Variants in AP2B1 observed in about 807,000 individuals in gnomAD.
The protein encoded by AP2B1 is AP-2 complex subunit beta.
A neutral mutation model predicts 102.0 loss-of-function variants in AP2B1; 23 were observed. The observed-to-expected ratio is 0.23, with a 90% CI of 0.16 to 0.32. AP2B1 has a LOEUF of 0.32. Among genes scored for constraint, AP2B1 ranks in the 10% least tolerant of loss-of-function variants. AP2B1 has a pLI of 1.00. For missense variants in AP2B1, 541 were observed against 1,157.4 expected (o/e 0.47, Z 7.73); for synonymous variants, 381 against 421.2 (o/e 0.90, Z 1.17).
At chr17:35,685,705 A>T (rs2075916037) in intron 18 of AP2B1, among the ~76,000 whole-genome samples, 1 of 152,178 alleles carries the variant, frequency 6.6e-6, no homozygotes, top group Non-Finnish European at 1.5e-5. Context: ...TCATTAAACT[A>T]CTTATTGGCT....
intron 18 of AP2B1, among the ~76,000 whole-genome samples, chr17:35,687,734 A>G (rs751424691): frequency 2.6e-5 from 4 of 151,872 alleles, no homozygotes; most frequent in Admixed American, 6.6e-5. Flanking sequence ...ATTTTTATGT[A>G]GAGATGGGGT....
chr17:35,704,980 G>T (rs887175856), intron 18 of AP2B1, among the ~76,000 whole-genome samples: 1 of 152,160 alleles, frequency 6.6e-6, no homozygotes, highest in Non-Finnish European at 1.5e-5. Flanking sequence ...GCAGTGAGCC[G>T]AGATCGCGCC....
rs1447672626 is a variant in AP2B1, at chr17:35,641,053, A to G, written c.1438-824A>G. Among the ~76,000 whole-genome samples the G allele has an allele frequency of 2.6e-5, 4 of 152,188 alleles. No homozygotes were observed. In the East Asian group the frequency reaches 5.8e-4, roughly 22 times the overall value. On this transcript the variant is annotated intron_variant, in intron 11 of 21. Transcript: ENST00000610402. ...ATAATGTATGTAATCTACTATAGCA[A>G]TTTTAATAGACCTAATTCAAGGAGT...
intron 19 of AP2B1, 37 bp from the exon 20 acceptor site, chr17:35,710,197 A>G (rs1555586808): frequency 7.0e-7 from 1 of 1,427,642 alleles, no homozygotes; most frequent in Non-Finnish European, 9.9e-7. Context: ...CTGACAGCTT[A>G]TGCACATCCA....
intron 21 of AP2B1, among the ~76,000 whole-genome samples, chr17:35,720,571 ATATTTTT>A (rs1452832380): frequency 4.3e-4 from 19 of 44,182 alleles, no homozygotes; most frequent in African/African-American, 1.5e-3. Context: ...ATATATATAT[ATATTTTT>A]TTTTTTTTTT....
intron 12 of AP2B1, among the ~76,000 whole-genome samples, chr17:35,642,279 C>G (rs2074803669): frequency 7.0e-6 from 1 of 143,682 alleles, no homozygotes; most frequent in Non-Finnish European, 1.5e-5. Context: ...ACCTGCTTCA[C>G]TGTGACTTCA....
chr17:35,658,938 TC>T lies in AP2B1; in HGVS notation c.1989+1148del, dbSNP rs1442845310. On this transcript the variant is annotated intron_variant, in intron 14 of 21. Transcript: ENST00000610402. ...ATTTTACTAATGGAAAATCACTGCTTCTAGAATTTATACATTGACCAAGCTG... is the reference window on the plus strand; with the variant it reads ...ATTTTACTAATGGAAAATCACTGCTTTAGAATTTATACATTGACCAAGCTG... 1.4e-4 allele frequency among the ~76,000 whole-genome samples: 22 copies of T among 152,358 alleles called. No individual in the cohort carries two copies. The South Asian group carries it at 1.7e-3, about 11-fold the overall frequency.
intron 21 of AP2B1, among the ~76,000 whole-genome samples, chr17:35,717,793 T>C (rs1378860031): frequency 6.6e-6 from 1 of 152,174 alleles, no homozygotes; most frequent in Admixed American, 6.5e-5. Flanking sequence ...TTCAGCAGCA[T>C]TGTATGACCT....
In AP2B1 at chr17:35,710,336, T is replaced by C. The variant is rs2076421276; in HGVS notation, c.2626+16T>C. The C allele has an allele frequency of 1.3e-6, 2 of 1,522,316 alleles. No individual in the cohort carries two copies. The highest frequency in any genetic ancestry group is 2.7e-5 in the African/African-American group (2 of 72,858). 94.3% of individuals were successfully genotyped at this position (1,522,316 alleles called of 1,614,324 possible). A position where few individuals can be genotyped will look rare whatever the true frequency, so the allele number is the denominator to read the frequency against. On this transcript the variant is annotated intron_variant, in intron 20 of 21. Coordinates refer to ENST00000610402, the MANE Select transcript of AP2B1 (RefSeq NM_001030006.2). ...TTAAATGCTGGTGAGTAATATACTC[T>C]AAATTTCAGTTTCATCTTAGTAAAT...
At chr17:35,709,890 G>T (rs2076413404) in intron 19 of AP2B1, among the ~76,000 whole-genome samples, 1 of 152,126 alleles carries the variant, frequency 6.6e-6, no homozygotes, top group South Asian at 2.1e-4. Context: ...GCACTTAATT[G>T]ATTTGATTCT....
intron 18 of AP2B1, among the ~76,000 whole-genome samples, chr17:35,706,305 A>T (rs1304690141): frequency 6.6e-6 from 1 of 152,226 alleles, no homozygotes; most frequent in Non-Finnish European, 1.5e-5. Context: ...TGGCATAAGG[A>T]TTCTTTTGGA....
chr17:35,698,931 A>G (rs114287081), intron 18 of AP2B1, among the ~76,000 whole-genome samples: 1 of 152,226 alleles, frequency 6.6e-6, no homozygotes, highest in South Asian at 2.1e-4. Context: ...TTTTAAAGCA[A>G]TGTCTATTCA....
chr17:35,706,733 C>T (rs1261551451), intron 18 of AP2B1, among the ~76,000 whole-genome samples: 4 of 152,086 alleles, frequency 2.6e-5, no homozygotes, highest in Middle Eastern at 6.8e-3. Context: ...CTCTGCCTCC[C>T]GGGTTCAAGT....
Position 35,670,467 on chromosome 17 carries a change from A to G in AP2B1, c.1990-390A>G, listed in dbSNP as rs903803540. 3.0e-4 allele frequency among the ~76,000 whole-genome samples: 45 copies of G among 152,074 alleles called. No homozygotes were observed. The East Asian group carries it at 3.3e-3, about 11-fold the overall frequency. On this transcript the variant is annotated intron_variant, in intron 14 of 21. Transcript: ENST00000610402. ...CCACCCTTTCCGTCCGCCCCCCACT[A>G]TAAGTTTCCTTTTAAAGAAAAAATA...
chr17:35,696,453 G>A (rs1268065669), intron 18 of AP2B1, among the ~76,000 whole-genome samples: 1 of 147,126 alleles, frequency 6.8e-6, no homozygotes, highest in African/African-American at 2.5e-5. Flanking sequence ...CTGTTGCCCA[G>A]GCTGGAGTCA....
At chr17:35,657,997 A>T (rs760963607) in intron 14 of AP2B1, among the ~76,000 whole-genome samples, 6 of 152,318 alleles carry the variant, frequency 3.9e-5, no homozygotes, top group African/African-American at 1.4e-4. Flanking sequence ...CTGCAAGTGT[A>T]TGGGATTATT....
intron 18 of AP2B1, among the ~76,000 whole-genome samples, chr17:35,697,819 G>A (rs587680194): frequency 6.6e-5 from 10 of 152,228 alleles, no homozygotes; most frequent in African/African-American, 9.6e-5. Context: ...AAAATTAGCC[G>A]GGTGTAGTGG....
intron 17 of AP2B1, among the ~76,000 whole-genome samples, chr17:35,675,202 T>G (rs1332928093): frequency 6.6e-6 from 1 of 152,222 alleles, no homozygotes; most frequent in Non-Finnish European, 1.5e-5. Context: ...ATCAGTGGGT[T>G]TTATTCAGTT....
At chr17:35,719,030 A>G (rs946994061) in intron 21 of AP2B1, among the ~76,000 whole-genome samples, 1 of 152,164 alleles carries the variant, frequency 6.6e-6, no homozygotes. Flanking sequence ...TGTCCTAAAC[A>G]TAGTTTGTTA....
Sources: allele counts gnomAD v4.1 joint callset (sites outside exome capture counted in the v4.1 genomes callset), GRCh38; gene constraint gnomAD v4.1.1; transcripts MANE v1.5; gene names NCBI Gene and HGNC (gene_info 2026-07-23, HGNC 2026-07-21).